Variants in CARMIL1 observed in about 807,000 individuals in gnomAD.
CARMIL1 encodes the protein F-actin-uncapping protein LRRC16A.
In CARMIL1, 90 loss-of-function variants were observed where a neutral mutation model predicts 177.1. That is an observed-to-expected ratio of 0.51 (90% CI 0.43 to 0.61). The LOEUF (loss-of-function observed/expected upper bound fraction) is 0.61. CARMIL1 is among the 20% of genes least tolerant of loss of function. CARMIL1 has a pLI of 0.00. For missense variants in CARMIL1, 1,380 were observed against 1,667.0 expected (o/e 0.83, Z 3.00); for synonymous variants, 577 against 606.2 (o/e 0.95, Z 0.71).
intron 2 of CARMIL1, among the ~76,000 whole-genome samples, chr6:25,336,365 A>G (rs1448033063): frequency 6.6e-6 from 1 of 151,984 alleles, no homozygotes; most frequent in East Asian, 1.9e-4. Context: ...GTGCTTCCCT[A>G]GGAAGTCCTT....
intron 2 of CARMIL1, among the ~76,000 whole-genome samples, chr6:25,314,336 G>T (rs113582963): frequency 1.4e-5 from 2 of 146,624 alleles, no homozygotes; most frequent in South Asian, 4.4e-4. Flanking sequence ...AGCTGGGTGT[G>T]GTGGCACGTG....
intron 2 of CARMIL1, among the ~76,000 whole-genome samples, chr6:25,377,771 C>T (rs769649358): frequency 6.6e-6 from 1 of 152,154 alleles, no homozygotes; most frequent in Admixed American, 6.5e-5. Flanking sequence ...TGACTTTTCT[C>T]CTTCCTGCAT....
chr6:25,529,324 GA>G (rs1043645173), intron 24 of CARMIL1, among the ~76,000 whole-genome samples: 1 of 151,982 alleles, frequency 6.6e-6, no homozygotes, highest in African/African-American at 2.4e-5. Context: ...TTCTTTTGAA[GA>G]AAAGTTTGAT....
At chr6:25,503,098 G>A (rs1433248368) in intron 17 of CARMIL1, among the ~76,000 whole-genome samples, 2 of 152,178 alleles carry the variant, frequency 1.3e-5, no homozygotes, top group Non-Finnish European at 2.9e-5. Flanking sequence ...TCTTTTTAAC[G>A]AAGGCAGGAA....
Position 25,594,451 on chromosome 6 carries a change from C to G in CARMIL1, c.3043C>G (p.Gln1015Glu). 1 of 1,613,242 alleles carries G rather than the reference C, an allele frequency of 6.2e-7. No individual in the cohort carries two copies. Among genetic ancestry groups the G allele is most frequent in the Non-Finnish European group, 8.5e-7 (1 of 1,179,560 alleles). The change falls in exon 32 of 37, where the codon CAG (glutamine) becomes GAG (glutamate). Residue 1015 changes from glutamine to glutamate, a missense_variant. By Grantham distance (29) the Gln-to-Glu change is conservative (BLOSUM62 2). Transcript: ENST00000329474. Reference protein sequence around the residue: ...AANIVSQDGEQNGLMGRVDEG... With the variant: ...AANIVSQDGEENGLMGRVDEG... ...CAACATAGTCTCACAAGATGGTGAA[C>G]AGAATGGTCTCATGGGGAGAGTGGA...
chr6:25,471,327 C>T, intron 10 of CARMIL1, 70 bp downstream of exon 10: 3 of 1,067,336 alleles, frequency 2.8e-6, no homozygotes, highest in South Asian at 1.7e-5. Flanking sequence ...CTAATTAATT[C>T]ATAGTTTTTT....
At chr6:25,383,628 A>T (rs1472862974) in intron 2 of CARMIL1, 1 of 152,202 alleles carries the variant, frequency 6.6e-6, no homozygotes, top group African/African-American at 2.4e-5. Context: ...ATATACTAAA[A>T]CTAGAACAAT....
intron 2 of CARMIL1, among the ~76,000 whole-genome samples, chr6:25,309,527 AT>A (rs1337418517): frequency 1.3e-5 from 2 of 150,112 alleles, no homozygotes; most frequent in African/African-American, 4.9e-5. Context: ...TTTAACACTT[AT>A]CCCCAGTCCA....
chr6:25,615,115 C>G (rs1458213616), intron 36 of CARMIL1, among the ~76,000 whole-genome samples: 1 of 152,250 alleles, frequency 6.6e-6, no homozygotes, highest in Non-Finnish European at 1.5e-5. Flanking sequence ...CCTTTGAGAA[C>G]TGCGTAGCAG....
At chr6:25,308,576 T>C (rs1372396342) in intron 2 of CARMIL1, among the ~76,000 whole-genome samples, 1 of 152,078 alleles carries the variant, frequency 6.6e-6, no homozygotes, top group African/African-American at 2.4e-5. Context: ...AGAGATGGGG[T>C]TTCACCTTGT....
intron 2 of CARMIL1, among the ~76,000 whole-genome samples, chr6:25,333,334 G>A (rs1785888182): frequency 6.6e-6 from 1 of 152,078 alleles, no homozygotes; most frequent in African/African-American, 2.4e-5. Flanking sequence ...AGGCTGAGGT[G>A]GGTGGATTGC....
rs148644737 is a variant in CARMIL1 at position 25,386,218 on chromosome 6, A to G, written c.139-33896A>G. Among the ~76,000 whole-genome samples, 225 of 152,292 alleles carry G rather than the reference A, an allele frequency of 1.5e-3. 1 individual carries two copies. Among genetic ancestry groups the G allele is most frequent in the African/African-American group, 5.1e-3 (212 of 41,558 alleles). ...AGTTACCTTGGTATGATATAAGGAC[A>G]TGGAATTAATTTTGTTGTTTATAAT... On this transcript the variant is annotated intron_variant, in intron 2 of 36. Transcript: ENST00000329474.
intron 4 of CARMIL1, 79 bp downstream of exon 4, chr6:25,426,639 T>C: frequency 7.6e-7 from 1 of 1,324,144 alleles, no homozygotes; most frequent in Non-Finnish European, 1.1e-6. Context: ...CTTGAGACAA[T>C]GTGGATAAAC....
At chr6:25,297,843 G>C (rs1050903229) in intron 2 of CARMIL1, among the ~76,000 whole-genome samples, 1 of 152,118 alleles carries the variant, frequency 6.6e-6, no homozygotes, top group African/African-American at 2.4e-5. Flanking sequence ...CATCAGAGTA[G>C]GGCTTTACAT....
At chr6:25,480,498 CT>C (rs1801984889) in intron 11 of CARMIL1, among the ~76,000 whole-genome samples, 1 of 151,364 alleles carries the variant, frequency 6.6e-6, no homozygotes. Flanking sequence ...TGTAGCATAT[CT>C]TTTTTCGCTT....
chr6:25,436,197 G>A (rs982693160), intron 5 of CARMIL1, among the ~76,000 whole-genome samples: 2 of 152,122 alleles, frequency 1.3e-5, no homozygotes, highest in Admixed American at 1.3e-4. Context: ...TTGTAGTTGG[G>A]GAGTGTGTGG....
At chr6:25,595,641 T>C (rs1042191661) in intron 32 of CARMIL1, among the ~76,000 whole-genome samples, 1 of 152,208 alleles carries the variant, frequency 6.6e-6, no homozygotes, top group African/African-American at 2.4e-5. Context: ...TGCTGCTGAC[T>C]TAATACTTTT....
chr6:25,425,464 G>A (rs1041919433), intron 3 of CARMIL1, among the ~76,000 whole-genome samples: 1 of 151,970 alleles, frequency 6.6e-6, no homozygotes, highest in African/African-American at 2.4e-5. Flanking sequence ...ATACCACCAG[G>A]GAGCAGAACT....
intron 23 of CARMIL1, among the ~76,000 whole-genome samples, chr6:25,527,056 T>C (rs570820869): frequency 6.6e-6 from 1 of 152,344 alleles, no homozygotes; most frequent in African/African-American, 2.4e-5. Context: ...CGTTTTTGCT[T>C]CTTTCGCTGG....
Sources: gnomAD v4.1 joint callset for allele counts (sites outside exome capture counted in the v4.1 genomes callset) on GRCh38, gnomAD v4.1.1 for gene constraint, MANE v1.5 for transcripts, NCBI Gene and HGNC (gene_info 2026-07-23, HGNC 2026-07-21) for gene names.